The following ACYP2 variants were observed in gnomAD, a reference collection of about 807,000 sequenced individuals.
ACYP2 encodes acylphosphatase 2, also known as acylphosphatase-2.
Under a neutral mutation model 11.2 loss-of-function variants are expected in ACYP2, and 12 were observed. That is an observed-to-expected ratio of 1.08 (90% CI 0.69 to 1.74). The LOEUF (loss-of-function observed/expected upper bound fraction) is 1.74, where lower values mean the gene tolerates loss of function less well. Among genes scored for constraint, ACYP2 ranks in the 40% most tolerant of loss-of-function variants. The pLI, the probability that ACYP2 is intolerant of heterozygous loss-of-function variation, is 0.00. For synonymous variants in ACYP2, 43 were observed against 32.2 expected (o/e 1.33, Z -1.13); for missense variants, 134 against 101.9 (o/e 1.31, Z -1.35).
At chr2:54,176,259 G>A (rs7558041) in intron 6 of ACYP2, among the ~76,000 whole-genome samples, 3,663 of 152,208 alleles carry the variant, frequency 0.024, 126 homozygotes, top group African/African-American at 0.079. Flanking sequence ...GCATTGTCTC[G>A]GTTATGCCCT....
intron 4 of ACYP2, among the ~76,000 whole-genome samples, chr2:54,122,510 G>C (rs759869649): frequency 6.6e-6 from 1 of 152,154 alleles, no homozygotes; most frequent in Non-Finnish European, 1.5e-5. Context: ...AAGTGAGGTG[G>C]AAAAAGTATG....
rs538378482 is a variant in ACYP2, at chr2:54,223,539, A to G, written c.405-81149A>G. 1.2e-3 allele frequency among the ~76,000 whole-genome samples: 186 copies of G among 152,330 alleles called. 8 individuals are homozygous for G. The South Asian group carries it at 0.038, about 31-fold the overall frequency. On this transcript the variant is annotated intron_variant, in intron 6 of 6. Coordinates refer to ENST00000607452, the MANE Select transcript of ACYP2 (RefSeq NM_001320586.2). The stretch of plus-strand genomic sequence containing the variant: ...ATGAGCCCAGAATTTAGACACTGCT[A>G]TAAATTTAAATTGTCTGAAGCACTT...
chr2:53,975,314 A>G lies in ACYP2; in HGVS notation c.62+1504A>G, dbSNP rs1433768640. 4 of 398,372 alleles carry G rather than the reference A, an allele frequency of 1.0e-5. No homozygotes were observed. The East Asian group carries it at 1.4e-4, about 14-fold the overall frequency. 24.7% of individuals were successfully genotyped at this position (398,372 alleles called of 1,614,324 possible). A position where few individuals can be genotyped will look rare whatever the true frequency, so the allele number is the denominator to read the frequency against. Reference sequence around the variant, plus strand: ...CTGAACTGGAAAAGTTGAAGAATTTACGGGAGCAAGCAAAATAAGGTCTCT... The same window carrying G: ...CTGAACTGGAAAAGTTGAAGAATTTGCGGGAGCAAGCAAAATAAGGTCTCT... On this transcript the variant is annotated intron_variant, in intron 2 of 6. Coordinates refer to ENST00000607452, the MANE Select transcript of ACYP2 (RefSeq NM_001320586.2).
chr2:54,115,692 C>T lies in ACYP2; in HGVS notation c.278-19761C>T, dbSNP rs769028629. ...TCCGGCTCCTCAACAGAGGGCTCGC[C>T]GCCGCCATGTCTACCGCCCAGTCAC... is the stretch of plus-strand genomic sequence containing the variant. On this transcript the variant is annotated intron_variant, in intron 4 of 6. Coordinates refer to ENST00000607452, the MANE Select transcript of ACYP2 (RefSeq NM_001320586.2). 44 of 1,610,904 alleles carry T rather than the reference C, an allele frequency of 2.7e-5. No homozygotes were observed. The Middle Eastern group carries it at 4.9e-4, about 18-fold the overall frequency.
intron 6 of ACYP2, among the ~76,000 whole-genome samples, chr2:54,281,141 T>C (rs1195729235): frequency 6.6e-6 from 1 of 152,244 alleles, no homozygotes; most frequent in East Asian, 1.9e-4. Context: ...ACCAGATTAT[T>C]CTATATATTA....
intron 4 of ACYP2, chr2:54,115,670 G>C (rs778095924): frequency 3.7e-6 from 6 of 1,606,506 alleles, no homozygotes; most frequent in Non-Finnish European, 4.2e-6. Flanking sequence ...GCCCCTCTCC[G>C]GCTCCTCAAC....
intron 4 of ACYP2, among the ~76,000 whole-genome samples, chr2:54,112,860 A>G (rs1476550144): frequency 1.3e-5 from 2 of 152,228 alleles, no homozygotes; most frequent in Non-Finnish European, 2.9e-5. Context: ...AGCTAAGCAA[A>G]TGTCAATTGT....
intron 6 of ACYP2, among the ~76,000 whole-genome samples, chr2:54,211,195 A>T (rs1685317617): frequency 6.6e-6 from 1 of 152,202 alleles, no homozygotes; most frequent in African/African-American, 2.4e-5. Flanking sequence ...ATATTTTTTA[A>T]AACATCAATA....
At position 54,170,345 on chromosome 2, in the gene ACYP2, G is replaced by A. The variant is rs536111143; in HGVS notation, c.404+31597G>A. Among the ~76,000 whole-genome samples, 3 of 152,158 alleles carry A rather than the reference G, an allele frequency of 2.0e-5. No individual in the cohort carries two copies. The East Asian group carries it at 5.8e-4, about 29-fold the overall frequency. The stretch of plus-strand genomic sequence containing the variant: ...TTTTTGTATTATTAGTAGAGACGGG[G>A]TTTCACCATGTTGGCCAGCCTGGTC... On this transcript the variant is annotated intron_variant, in intron 6 of 6. Transcript: ENST00000607452.
intron 6 of ACYP2, among the ~76,000 whole-genome samples, chr2:54,265,503 C>G (rs538363598): frequency 9.9e-5 from 15 of 152,246 alleles, no homozygotes; most frequent in African/African-American, 3.4e-4. Context: ...ATATCAGCAT[C>G]CTACTCTCCT....
chr2:54,271,265 G>A (rs150809907), intron 6 of ACYP2, among the ~76,000 whole-genome samples: 4 of 152,202 alleles, frequency 2.6e-5, no homozygotes, highest in African/African-American at 7.2e-5. Flanking sequence ...CCTCAATTCT[G>A]CTCAAATGTA....
At chr2:54,013,040 C>T (rs1011732910) in intron 2 of ACYP2, among the ~76,000 whole-genome samples, 1 of 152,096 alleles carries the variant, frequency 6.6e-6, no homozygotes, top group Non-Finnish European at 1.5e-5. Flanking sequence ...AAACACATTT[C>T]GCAGATATAT....
At chr2:54,272,023 C>T (rs760588465) in intron 6 of ACYP2, among the ~76,000 whole-genome samples, 24 of 152,144 alleles carry the variant, frequency 1.6e-4, no homozygotes, top group Non-Finnish European at 2.9e-4. Flanking sequence ...AAGAAACATA[C>T]ATGTTACTTT....
intron 4 of ACYP2, among the ~76,000 whole-genome samples, chr2:54,103,034 C>T (rs951158204): frequency 1.3e-5 from 2 of 152,104 alleles, no homozygotes. Flanking sequence ...GGGTTATATG[C>T]CACCCCTGCA....
chr2:54,255,701 T>C, intron 6 of ACYP2: 1 of 1,613,970 alleles, frequency 6.2e-7, no homozygotes, highest in Non-Finnish European at 8.5e-7. Flanking sequence ...TCCTCAGGCT[T>C]CACGTCCTCG....
chr2:54,044,613 A>C (rs939789416), intron 2 of ACYP2, among the ~76,000 whole-genome samples: 6 of 152,002 alleles, frequency 3.9e-5, no homozygotes, highest in Admixed American at 2.0e-4. Context: ...CTCTCAAAAA[A>C]AAAAAGATCC....
chr2:54,238,648 T>G (rs111391079), intron 6 of ACYP2, among the ~76,000 whole-genome samples: 25 of 151,842 alleles, frequency 1.6e-4, no homozygotes, highest in African/African-American at 5.8e-4. Context: ...TCTCATTTAG[T>G]TTAGGCATAT....
At chr2:54,071,808 C>T (rs149766155) in intron 4 of ACYP2, among the ~76,000 whole-genome samples, 2,226 of 152,190 alleles carry the variant, frequency 0.015, 63 homozygotes, top group African/African-American at 0.051. Context: ...GTCAGGAGTT[C>T]GAGACCAGCC....
chr2:54,280,434 A>G (rs1215838107), intron 6 of ACYP2, among the ~76,000 whole-genome samples: 1 of 152,190 alleles, frequency 6.6e-6, no homozygotes, highest in Non-Finnish European at 1.5e-5. Context: ...AGTCAATGGT[A>G]TATGAAGCTG....
Sources: allele counts gnomAD v4.1 joint callset (sites outside exome capture counted in the v4.1 genomes callset), GRCh38; gene constraint gnomAD v4.1.1; transcripts MANE v1.5; gene names NCBI Gene and HGNC (gene_info 2026-07-23, HGNC 2026-07-21).